PTPRD: variants seen among roughly 807,000 people sequenced by gnomAD.
PTPRD encodes the protein receptor-type tyrosine-protein phosphatase delta.
A neutral mutation model predicts 214.5 loss-of-function variants in PTPRD; 34 were observed. The ratio of observed to expected loss-of-function variants is 0.16; its 90% confidence interval spans 0.12 to 0.21. PTPRD has a LOEUF of 0.21. PTPRD is among the 10% of genes least tolerant of loss of function. PTPRD has a pLI of 1.00. For synonymous variants in PTPRD, 1,128 were observed against 845.7 expected, an observed-to-expected ratio of 1.33 and a Z score of -5.79; for missense variants, 2,545 against 2,398.7, an observed-to-expected ratio of 1.06 and a Z score of -1.27.
intron 8 of PTPRD, among the ~76,000 whole-genome samples, chr9:9,515,474 G>A (rs2096813909): frequency 6.6e-6 from 1 of 151,830 alleles, no homozygotes; most frequent in African/African-American, 2.4e-5. Flanking sequence ...TGAATTATGA[G>A]GAAGAAAAGA....
intron 12 of PTPRD, among the ~76,000 whole-genome samples, chr9:8,719,664 T>G (rs536562087): frequency 3.3e-5 from 5 of 152,118 alleles, no homozygotes; most frequent in South Asian, 2.1e-4. Context: ...TACTTTCTTG[T>G]TACAGTGGCA....
intron 11 of PTPRD, among the ~76,000 whole-genome samples, chr9:8,787,710 C>A (rs886833741): frequency 6.6e-5 from 10 of 152,018 alleles, no homozygotes; most frequent in Non-Finnish European, 1.3e-4. Flanking sequence ...TGGGACAGGA[C>A]AGGAAGACAG....
intron 30 of PTPRD, among the ~76,000 whole-genome samples, chr9:8,483,569 G>A (rs537479517): frequency 2.6e-5 from 4 of 152,162 alleles, no homozygotes; most frequent in South Asian, 2.1e-4. Context: ...AGGCTAACAC[G>A]GTGAAACCCG....
intron 2 of PTPRD, among the ~76,000 whole-genome samples, chr9:10,484,477 T>C (rs1184546618): frequency 6.6e-6 from 1 of 152,030 alleles, no homozygotes; most frequent in Non-Finnish European, 1.5e-5. Flanking sequence ...TTTTCCATAG[T>C]AGTTGTATTA....
chr9:9,752,383 A>G (rs1350539996), intron 6 of PTPRD, among the ~76,000 whole-genome samples: 1 of 152,048 alleles, frequency 6.6e-6, no homozygotes, highest in Non-Finnish European at 1.5e-5. Flanking sequence ...TGTGACCTTC[A>G]TTTTAGAGAT....
chr9:10,311,726 A>G (rs1468792933), intron 3 of PTPRD, among the ~76,000 whole-genome samples: 1 of 152,048 alleles, frequency 6.6e-6, no homozygotes, highest in Non-Finnish European at 1.5e-5. Flanking sequence ...TATTCCTTGT[A>G]TAATCAGACT....
At chr9:8,431,014 G>C (rs1033387981) in intron 35 of PTPRD, among the ~76,000 whole-genome samples, 1 of 152,170 alleles carries the variant, frequency 6.6e-6, no homozygotes, top group African/African-American at 2.4e-5. Context: ...ATGCTTTTCT[G>C]TAGTACTGTA....
chr9:9,667,888 T>C (rs2096753729), intron 7 of PTPRD, among the ~76,000 whole-genome samples: 1 of 152,172 alleles, frequency 6.6e-6, no homozygotes, highest in South Asian at 2.1e-4. Flanking sequence ...GGTGGAGAGC[T>C]CCCACTTTGT....
intron 37 of PTPRD, among the ~76,000 whole-genome samples, chr9:8,385,439 A>G (rs773301484): frequency 1.3e-5 from 2 of 152,192 alleles, no homozygotes; most frequent in South Asian, 2.1e-4. Flanking sequence ...GCTTGAGCCC[A>G]GAAATGTTAG....
intron 9 of PTPRD, among the ~76,000 whole-genome samples, chr9:9,187,967 T>A (rs2131683965): frequency 6.6e-6 from 1 of 152,084 alleles, no homozygotes; most frequent in South Asian, 2.1e-4. Flanking sequence ...AGTACATAAA[T>A]AATGAATCAT....
intron 11 of PTPRD, among the ~76,000 whole-genome samples, chr9:8,899,664 G>C (rs1434848275): frequency 2.0e-5 from 3 of 152,160 alleles, no homozygotes; most frequent in African/African-American, 7.2e-5. Context: ...GTTTAGACTG[G>C]AGTAGTTGCC....
intron 11 of PTPRD, among the ~76,000 whole-genome samples, chr9:8,773,084 T>C (rs796992820): frequency 2.0e-5 from 3 of 152,326 alleles, no homozygotes; most frequent in African/African-American, 7.2e-5. Context: ...TATGGAGCTT[T>C]CCTCTCTGGT....
intron 8 of PTPRD, among the ~76,000 whole-genome samples, chr9:9,509,597 C>T (rs554580744): frequency 1.3e-5 from 2 of 151,520 alleles, no homozygotes; most frequent in Non-Finnish European, 3.0e-5. Flanking sequence ...TATAACAAAC[C>T]CTAAATTTTA....
chr9:10,236,241 T>C (rs759429228), intron 3 of PTPRD, among the ~76,000 whole-genome samples: 8 of 151,956 alleles, frequency 5.3e-5, no homozygotes, highest in Non-Finnish European at 8.8e-5. Context: ...TGGCTCAAGT[T>C]TGATACAGAT....
intron 11 of PTPRD, among the ~76,000 whole-genome samples, chr9:8,948,507 A>ATATATATATATT (rs1247381790): frequency 2.2e-4 from 3 of 13,616 alleles, no homozygotes; most frequent in Admixed American, 1.9e-3. Context: ...ATATATATTT[A>ATATATATATATT]TATATATATA....
intron 3 of PTPRD, among the ~76,000 whole-genome samples, chr9:10,340,132 T>C (rs2096911965): frequency 6.6e-6 from 1 of 151,906 alleles, no homozygotes; most frequent in African/African-American, 2.4e-5. Flanking sequence ...AGAGTTAAAG[T>C]AGCCTCTGTC....
At chr9:8,542,668 A>C (rs2078779240) in intron 14 of PTPRD, among the ~76,000 whole-genome samples, 1 of 152,258 alleles carries the variant, frequency 6.6e-6, no homozygotes. Context: ...AGTACAAAGC[A>C]AGTGTCTGTC....
chr9:8,808,724 C>A lies in PTPRD; in HGVS notation c.-103-74778G>T, dbSNP rs10114589. Among the ~76,000 whole-genome samples the A allele has an allele frequency of 9.7e-3, 1,468 of 152,104 alleles. 15 individuals carry two copies. The highest frequency in any genetic ancestry group is 0.033 in the African/African-American group (1,362 of 41,500). On this transcript the variant is annotated intron_variant, in intron 11 of 45. Transcript: ENST00000381196. ...AAACATGAAATGTATATATGTTCTA[C>A]ACCAACGGTTATCAAAAGACCACCT...
chr9:10,583,114 C>T (rs2072577896), intron 2 of PTPRD, among the ~76,000 whole-genome samples: 1 of 152,100 alleles, frequency 6.6e-6, no homozygotes, highest in Non-Finnish European at 1.5e-5. Flanking sequence ...TTGGGTGATG[C>T]AGCAGTTAGA....
Sources: gnomAD v4.1 joint callset for allele counts (sites outside exome capture counted in the v4.1 genomes callset) on GRCh38, gnomAD v4.1.1 for gene constraint, MANE v1.5 for transcripts, NCBI Gene and HGNC (gene_info 2026-07-23, HGNC 2026-07-21) for gene names.